Variants in TBC1D12 observed in about 807,000 individuals in gnomAD.
TBC1D12 encodes TBC1 domain family member 12, also known as TBC1 domain family, member 12.
TBC1D12 carries 56 observed loss-of-function variants against 86.7 expected under a neutral mutation model. The observed-to-expected ratio is 0.65, with a 90% CI of 0.52 to 0.81. The LOEUF (loss-of-function observed/expected upper bound fraction) is 0.81, where lower values mean the gene tolerates loss of function less well. Ranked by LOEUF, TBC1D12 falls within the 30% of genes least tolerant of loss-of-function variation. TBC1D12 has a pLI of 0.00. For synonymous variants in TBC1D12, 421 were observed against 411.7 expected (o/e 1.02, Z -0.27); for missense variants, 1,023 against 1,038.8 (o/e 0.98, Z 0.21).
intron 2 of TBC1D12, among the ~76,000 whole-genome samples, chr10:94,465,641 TGC>T (rs2055795375): frequency 7.4e-6 from 1 of 135,862 alleles, no homozygotes; most frequent in South Asian, 2.4e-4. Flanking sequence ...GCAAGACTCT[TGC>T]CTAAAAAAAA....
intron 6 of TBC1D12, among the ~76,000 whole-genome samples, chr10:94,502,720 G>A (rs536514462): frequency 5.9e-5 from 9 of 152,132 alleles, no homozygotes; most frequent in Admixed American, 1.3e-4. Flanking sequence ...ATAATAAAAT[G>A]TGCTAAATTG....
At chr10:94,438,802 T>TTTTAA (rs2055339868) in intron 1 of TBC1D12, among the ~76,000 whole-genome samples, 1 of 152,132 alleles carries the variant, frequency 6.6e-6, no homozygotes. Context: ...TAGTTTTTTT[T>TTTTAA]TTTAACTCTT....
rs149051978 is a variant in TBC1D12 at position 94,459,437 on chromosome 10, C to T, written c.1096-15231C>T. Among the ~76,000 whole-genome samples, 275 of 152,372 alleles carry T rather than the reference C, an allele frequency of 1.8e-3. 3 individuals are homozygous for T. Among genetic ancestry groups the T allele is most frequent in the African/African-American group, 6.3e-3 (260 of 41,596 alleles). On this transcript the variant is annotated intron_variant, in intron 2 of 12. Transcript: ENST00000225235. ...CAAGAGCCCAGCTGGCTTCGCCTAG[C>T]GGATCCTGTGCTGGGGCTGCGGGTG...
intron 1 of TBC1D12, among the ~76,000 whole-genome samples, chr10:94,429,601 G>A (rs964158322): frequency 6.6e-6 from 1 of 152,044 alleles, no homozygotes; most frequent in Admixed American, 6.5e-5. Context: ...ACTAGATAAT[G>A]TTTTCTTTAT....
At chr10:94,456,785 G>A (rs2055633166) in intron 2 of TBC1D12, among the ~76,000 whole-genome samples, 1 of 152,182 alleles carries the variant, frequency 6.6e-6, no homozygotes, top group Non-Finnish European at 1.5e-5. Flanking sequence ...CAGTGTAATA[G>A]TAGATTCATC....
chr10:94,491,047 A>G (rs2056238964), intron 3 of TBC1D12, among the ~76,000 whole-genome samples: 1 of 152,042 alleles, frequency 6.6e-6, no homozygotes, highest in Admixed American at 6.6e-5. Flanking sequence ...GGATTGATGG[A>G]CCACTGAGAC....
intron 2 of TBC1D12, among the ~76,000 whole-genome samples, chr10:94,445,164 T>C (rs111902236): frequency 0.017 from 2,517 of 149,682 alleles, 93 homozygotes; most frequent in African/African-American, 0.058. Flanking sequence ...ATTGAGACCA[T>C]CCTGACCAAC....
chr10:94,521,374 C>T (rs1033908826), intron 9 of TBC1D12, among the ~76,000 whole-genome samples: 12 of 152,136 alleles, frequency 7.9e-5, no homozygotes, highest in Admixed American at 1.3e-4. Context: ...AATGCCTTTC[C>T]TTACTCCAGC....
intron 3 of TBC1D12, among the ~76,000 whole-genome samples, chr10:94,483,763 T>G (rs970236527): frequency 3.9e-5 from 6 of 152,152 alleles, no homozygotes; most frequent in African/African-American, 1.4e-4. Context: ...TGTCTTGCTG[T>G]GCAAAACATT....
intron 1 of TBC1D12, among the ~76,000 whole-genome samples, chr10:94,426,091 G>C (rs1426832962): frequency 2.6e-5 from 4 of 152,066 alleles, no homozygotes; most frequent in Admixed American, 2.0e-4. Flanking sequence ...CAGTCATGCT[G>C]TCTGCAAATA....
At position 94,521,966 on chromosome 10, in the gene TBC1D12, GTCCT is replaced by G. The variant is rs1293245289; in HGVS notation, c.1776_1779del (p.Phe593LeufsTer22). Reference sequence around the variant, plus strand: ...TTCTCCCTTTGAAGGTCCAAGGGATGTCCTTCATTGCAGCAGTACTCATTCTCAA... The same window carrying G: ...TTCTCCCTTTGAAGGTCCAAGGGATGTCATTGCAGCAGTACTCATTCTCAA... On this transcript the variant is annotated frameshift_variant, in exon 10 of 13. Transcript: ENST00000225235. LOFTEE classifies it high-confidence loss of function. The G allele has an allele frequency of 6.2e-7, 1 of 1,603,976 alleles. No homozygotes were observed. The highest frequency in any genetic ancestry group is 8.5e-7 in the Non-Finnish European group (1 of 1,173,256).
At chr10:94,427,184 T>A (rs1343178658) in intron 1 of TBC1D12, among the ~76,000 whole-genome samples, 1 of 152,258 alleles carries the variant, frequency 6.6e-6, no homozygotes, top group Non-Finnish European at 1.5e-5. Flanking sequence ...TCATTTATCA[T>A]TCCTCATCAG....
At chr10:94,435,524 T>C (rs2055281918) in intron 1 of TBC1D12, among the ~76,000 whole-genome samples, 1 of 152,224 alleles carries the variant, frequency 6.6e-6, no homozygotes, top group East Asian at 1.9e-4. Flanking sequence ...CTGCAATACC[T>C]TTTATCTATT....
chr10:94,415,109 A>C (rs2054981150), intron 1 of TBC1D12, among the ~76,000 whole-genome samples: 1 of 152,246 alleles, frequency 6.6e-6, no homozygotes, highest in Non-Finnish European at 1.5e-5. Context: ...ATGGAATTAA[A>C]GTCCCTCTTA....
At chr10:94,417,289 AAAAGT>A (rs1018032369) in intron 1 of TBC1D12, among the ~76,000 whole-genome samples, 44 of 152,206 alleles carry the variant, frequency 2.9e-4, no homozygotes, top group Admixed American at 1.6e-3. Flanking sequence ...ATTAGAGAAA[AAAAGT>A]AAATAACTAG....
Position 94,531,212 on chromosome 10 carries a change from CTA to C in TBC1D12, c.2016_2017del (p.Tyr672Ter). The C allele has an allele frequency of 6.2e-7, 1 of 1,613,264 alleles. No individual in the cohort carries two copies. The highest frequency in any genetic ancestry group is 8.5e-7 in the Non-Finnish European group (1 of 1,179,572). On this transcript the variant is annotated frameshift_variant, in exon 12 of 13. Transcript: ENST00000225235. LOFTEE classifies it high-confidence loss of function. ...TCCCTCTAATTTTAGGATCTTCACACTATATAGCAAATCACTACCACTTGATC... is the reference window on the plus strand; with the variant it reads ...TCCCTCTAATTTTAGGATCTTCACACTATAGCAAATCACTACCACTTGATC... ...DIYLIDWIFT[L>X]YSKSLPLDLA...
chr10:94,453,536 C>A (rs929813188), intron 2 of TBC1D12, among the ~76,000 whole-genome samples: 1 of 152,030 alleles, frequency 6.6e-6, no homozygotes, highest in Non-Finnish European at 1.5e-5. Flanking sequence ...AAAACATTAT[C>A]ATATGTGTAG....
intron 4 of TBC1D12, among the ~76,000 whole-genome samples, chr10:94,495,993 C>CAG (rs780331468): frequency 3.3e-5 from 5 of 151,980 alleles, no homozygotes; most frequent in Non-Finnish European, 7.4e-5. Context: ...ATGCCAGCTA[C>CAG]TGGAGAGGCT....
intron 2 of TBC1D12, among the ~76,000 whole-genome samples, chr10:94,471,083 C>G (rs1403745449): frequency 6.6e-6 from 1 of 152,034 alleles, no homozygotes; most frequent in Non-Finnish European, 1.5e-5. Context: ...CGAGGCCAGC[C>G]TGGCCAGCAT....
Sources: gnomAD v4.1 joint callset for allele counts (sites outside exome capture counted in the v4.1 genomes callset) on GRCh38, gnomAD v4.1.1 for gene constraint, MANE v1.5 for transcripts, NCBI Gene and HGNC (gene_info 2026-07-23, HGNC 2026-07-21) for gene names.